Variants in GAR1 observed in about 807,000 individuals in gnomAD.
GAR1 encodes the protein H/ACA ribonucleoprotein complex subunit 1.
A neutral mutation model predicts 29.3 loss-of-function variants in GAR1; 11 were observed. The ratio of observed to expected loss-of-function variants is 0.38; its 90% CI spans 0.24 to 0.62. GAR1 has a LOEUF of 0.62. Ranked by LOEUF, GAR1 falls within the 20% of genes least tolerant of loss-of-function variation. The pLI is 0.62. For synonymous variants in GAR1, 87 were observed against 93.3 expected (o/e 0.93, Z 0.39); for missense variants, 237 against 268.4 (o/e 0.88, Z 0.82).
rs1433134535 is a variant in GAR1, at chr4:109,822,200, A to AT, written c.430-145dup. ...AAAAAGAAACCTAAGTTAGTAAGAA[A>AT]TTAAGTCTCTACCCAGGGATATGTA... On this transcript the variant is annotated intron_variant, in intron 4 of 6. Transcript: ENST00000226796. 9 of 501,490 alleles carry AT rather than the reference A, an allele frequency of 1.8e-5. No individual in the cohort carries two copies. In the East Asian group the frequency reaches 2.2e-4, roughly 12 times the overall value. 31.1% of individuals were successfully genotyped at this position (501,490 alleles called of 1,614,324 possible).
chr4:109,821,154 T>C (rs191586207), intron 4 of GAR1, among the ~76,000 whole-genome samples: 2 of 152,362 alleles, frequency 1.3e-5, no homozygotes, highest in East Asian at 3.9e-4. Context: ...TGCTCTCCAC[T>C]TGAACTTTTT....
chr4:109,816,421 T>C (rs1341497744), intron 2 of GAR1, 43 bp downstream of exon 2: 2 of 1,578,734 alleles, frequency 1.3e-6, no homozygotes, highest in Non-Finnish European at 1.7e-6. Flanking sequence ...GGAGTAGGTG[T>C]GGGTTGGGGG....
intron 4 of GAR1, chr4:109,819,269 T>C (rs1733443024): frequency 1.3e-5 from 7 of 558,080 alleles, no homozygotes; most frequent in South Asian, 4.3e-5. Context: ...ATTACAACTT[T>C]TGCTCATATT....
At position 109,822,395 on chromosome 4, in the gene GAR1, C is replaced by T; in HGVS notation, c.478C>T (p.Arg160Ter). 1.2e-6 allele frequency: 2 copies of T among 1,609,670 alleles called. No individual in the cohort carries two copies. The highest frequency in any genetic ancestry group is 1.7e-6 in the Non-Finnish European group (2 of 1,177,686). ...KLLPLQRFLP[R>*]PPGEKGPPRG... is the part of the protein sequence containing the mutation. ...GCTGCCACTGCAGAGGTTTTTACCTCGACCTCCAGGTGAGAAAGGACCTCC... is the reference window on the plus strand; with the variant it reads ...GCTGCCACTGCAGAGGTTTTTACCTTGACCTCCAGGTGAGAAAGGACCTCC... The change falls in exon 5 of 7, where the codon CGA becomes TGA. Residue 160 changes from arginine to a stop codon, truncating the protein, a stop_gained. Coordinates refer to ENST00000226796, the MANE Select transcript of GAR1 (RefSeq NM_018983.4). LOFTEE classifies it high-confidence loss of function.
chr4:109,821,568 T>G (rs944625463), intron 4 of GAR1, among the ~76,000 whole-genome samples: 14 of 152,242 alleles, frequency 9.2e-5, no homozygotes, highest in African/African-American at 3.4e-4. Context: ...ACTTTGTGTG[T>G]TCAGAAGATA....
At chr4:109,820,015 A>G (rs1447544274) in intron 4 of GAR1, among the ~76,000 whole-genome samples, 1 of 152,208 alleles carries the variant, frequency 6.6e-6, no homozygotes, top group Non-Finnish European at 1.5e-5. Flanking sequence ...ACACAGTTAA[A>G]TGAATGCTTC....
At chr4:109,819,230 T>G in intron 4 of GAR1, 170 bp downstream of exon 4, 2 of 645,222 alleles carry the variant, frequency 3.1e-6, no homozygotes, top group Non-Finnish European at 5.6e-6. Flanking sequence ...TAAAAGTGAT[T>G]TATTTGATAC....
chr4:109,819,081 T>G (rs1733436237), intron 4 of GAR1, 21 bp downstream of exon 4: 1 of 1,308,806 alleles, frequency 7.6e-7, no homozygotes, highest in South Asian at 1.2e-5. Context: ...CTTATGATAC[T>G]TGGGATCCTT....
At position 109,822,441 on chromosome 4, in the gene GAR1, G is replaced by A. The variant is rs754138760; in HGVS notation, c.524G>A (p.Gly175Asp). Residue 175 changes from glycine (G) to aspartate (D), a missense_variant, in exon 5 of 7, where the codon GGC becomes GAC. By Grantham distance (94) the Gly-to-Asp change is moderately conservative (BLOSUM62 -1). Transcript: ENST00000226796. ...KGPPRGGGRG[G>D]RGGGRGGGGR... ...CCTCCAAGAGGTGGTGGCAGGGGAG[G>A]CCGAGGAGGAGGAAGAGGAGGAGGT... 1 of 1,610,284 alleles carries A rather than the reference G, an allele frequency of 6.2e-7. No homozygotes were observed. Among genetic ancestry groups the A allele is most frequent in the South Asian group, 1.1e-5 (1 of 90,774 alleles).
At chr4:109,819,507 T>A (rs1733454949) in intron 4 of GAR1, 1 of 157,792 alleles carries the variant, frequency 6.3e-6, no homozygotes, top group Non-Finnish European at 1.3e-5. Flanking sequence ...CACCAGCTTT[T>A]TAAGTCTGTA....
chr4:109,818,236 G>A, intron 3 of GAR1, 146 bp downstream of exon 3: 1 of 626,726 alleles, frequency 1.6e-6, no homozygotes, highest in Non-Finnish European at 2.8e-6. Context: ...AGAATCAAGG[G>A]GAGAATGTAT....
At chr4:109,815,873 G>A (rs944455968) in intron 1 of GAR1, 69 bp downstream of exon 1, 1 of 409,724 alleles carries the variant, frequency 2.4e-6, no homozygotes, top group East Asian at 4.7e-5. Context: ...GAGGGAGGGA[G>A]GAAGGAAGGG....
intron 4 of GAR1, chr4:109,819,274 C>A: frequency 3.6e-6 from 2 of 554,924 alleles, no homozygotes; most frequent in South Asian, 2.1e-5. Context: ...AACTTTTGCT[C>A]ATATTACCAA....
chr4:109,821,729 T>TA (rs1733517592), intron 4 of GAR1, among the ~76,000 whole-genome samples: 1 of 152,212 alleles, frequency 6.6e-6, no homozygotes, highest in African/African-American at 2.4e-5. Flanking sequence ...AGAGAAATGA[T>TA]ATTGAATTGG....
Position 109,816,279 on chromosome 4 carries a change from G to A in GAR1, c.115G>A (p.Gly39Ser), listed in dbSNP as rs1382152375. The change falls in exon 2 of 7, where the codon GGC becomes AGC. Residue 39 changes from glycine (G) to serine (S), a missense_variant. By Grantham distance (56) the Gly-to-Ser change is moderately conservative (BLOSUM62 0). Coordinates refer to ENST00000226796, the MANE Select transcript of GAR1 (RefSeq NM_018983.4). Reference protein sequence around the residue: ...FRGGGGGGGGGNFRGGGRGGF... With the variant: ...FRGGGGGGGGSNFRGGGRGGF... Reference sequence around the variant, plus strand: ...AGGTGGAGGCGGCGGTGGAGGCGGCGGCAATTTCAGAGGCGGCGGCAGGGG... The same window carrying A: ...AGGTGGAGGCGGCGGTGGAGGCGGCAGCAATTTCAGAGGCGGCGGCAGGGG... The A allele has an allele frequency of 1.9e-6, 3 of 1,611,270 alleles. No homozygotes were observed. The South Asian group carries it at 3.3e-5, about 18-fold the overall frequency.
intron 2 of GAR1, 113 bp downstream of exon 2, chr4:109,816,491 A>G (rs753987078): frequency 1.7e-4 from 169 of 1,017,810 alleles, no homozygotes; most frequent in Middle Eastern, 1.7e-3. Flanking sequence ...TGTAGCATGT[A>G]AGGGTGGAGT....
At chr4:109,817,806 G>A in intron 2 of GAR1, 130 bp from the exon 3 acceptor site, 1 of 667,658 alleles carries the variant, frequency 1.5e-6, no homozygotes. Flanking sequence ...TCCTAAGACT[G>A]TGGTCTTCTG....
chr4:109,823,338 C>T (rs185415365), intron 5 of GAR1, among the ~76,000 whole-genome samples: 2 of 152,262 alleles, frequency 1.3e-5, no homozygotes, highest in Admixed American at 6.5e-5. Context: ...CCATTTCACT[C>T]CATAAAGGTA....
At position 109,822,276 on chromosome 4, in the gene GAR1, A is replaced by G. The variant is rs1360755872; in HGVS notation, c.430-71A>G. On this transcript the variant is annotated intron_variant, in intron 4 of 6. Transcript: ENST00000226796. ...GAACCCAGGCAGTTTTGACTCTATC[A>G]TGTAGCTTCTTAATGATTATATTAT... is the stretch of plus-strand genomic sequence containing the variant. 7 of 928,066 alleles carry G rather than the reference A, an allele frequency of 7.5e-6. No homozygotes were observed. The Admixed American group carries it at 1.2e-4, about 16-fold the overall frequency. The allele number at this position is 928,066 out of a possible 1,614,324, so 57.5% of individuals were successfully genotyped here.
Sources: gnomAD v4.1 joint callset for allele counts (sites outside exome capture counted in the v4.1 genomes callset) on GRCh38, gnomAD v4.1.1 for gene constraint, MANE v1.5 for transcripts, NCBI Gene and HGNC (gene_info 2026-07-23, HGNC 2026-07-21) for gene names.